SMARCC1: variants seen among roughly 807,000 people sequenced by gnomAD.
The protein encoded by SMARCC1 is SWI/SNF complex subunit SMARCC1.
A neutral mutation model predicts 147.4 loss-of-function variants in SMARCC1; 43 were observed. The ratio of observed to expected loss-of-function variants is 0.29; its 90% CI spans 0.23 to 0.38. The LOEUF (loss-of-function observed/expected upper bound fraction) is 0.38. Ranked by LOEUF, SMARCC1 falls within the 10% of genes least tolerant of loss-of-function variation. The probability of loss-of-function intolerance (pLI) is 1.00; values close to 1 mark genes in which losing one functional copy is unlikely to be tolerated. For missense variants in SMARCC1, 1,119 were observed against 1,381.1 expected, an observed-to-expected ratio of 0.81 and a Z score of 3.01; for synonymous variants, 495 against 484.4, an observed-to-expected ratio of 1.02 and a Z score of -0.29.
chr3:47,737,015 A>G lies in SMARCC1; in HGVS notation c.484-889T>C, dbSNP rs936725165. Among the ~76,000 whole-genome samples, 10 of 152,234 alleles carry G rather than the reference A, an allele frequency of 6.6e-5. No homozygotes were observed. In the East Asian group the frequency reaches 1.7e-3, roughly 26 times the overall value. On this transcript the variant is annotated intron_variant, in intron 4 of 27. Coordinates refer to ENST00000254480, the MANE Select transcript of SMARCC1 (RefSeq NM_003074.4). The stretch of plus-strand genomic sequence containing the variant: ...TAATACATTTAGAGAAATAATATGT[A>G]TATTTATGGTACAACCATGGAACAA...
chr3:47,726,080 A>AAAAAAAAAAAAAAAAC, intron 6 of SMARCC1, among the ~76,000 whole-genome samples: 1 of 149,668 alleles, frequency 6.7e-6, no homozygotes, highest in South Asian at 2.1e-4. Context: ...AAAAAAAAAA[A>AAAAAAAAAAAAAAAAC]AGGTGAATTT....
At chr3:47,623,633 T>C (rs2032766920) in intron 24 of SMARCC1, among the ~76,000 whole-genome samples, 1 of 152,172 alleles carries the variant, frequency 6.6e-6, no homozygotes, top group South Asian at 2.1e-4. Flanking sequence ...AAATAAATAT[T>C]ATGTAATTTA....
At chr3:47,699,665 T>C (rs1203913385) in intron 11 of SMARCC1, among the ~76,000 whole-genome samples, 2 of 152,184 alleles carry the variant, frequency 1.3e-5, no homozygotes, top group African/African-American at 4.8e-5. Context: ...TGTATATATC[T>C]ATGTATATAC....
chr3:47,634,499 G>A (rs1285683310), intron 24 of SMARCC1, among the ~76,000 whole-genome samples: 1 of 152,196 alleles, frequency 6.6e-6, no homozygotes, highest in Non-Finnish European at 1.5e-5. Flanking sequence ...CAATGTTCTA[G>A]TAATCACTGT....
chr3:47,775,545 G>C (rs1337014681), intron 1 of SMARCC1, among the ~76,000 whole-genome samples: 1 of 150,362 alleles, frequency 6.7e-6, no homozygotes, highest in Non-Finnish European at 1.5e-5. Flanking sequence ...AGGCCGAGGC[G>C]GGCGAATCAC....
intron 22 of SMARCC1, among the ~76,000 whole-genome samples, chr3:47,637,420 A>T (rs1412918151): frequency 1.3e-5 from 2 of 152,128 alleles, no homozygotes; most frequent in Non-Finnish European, 2.9e-5. Flanking sequence ...TAGGAACACA[A>T]AGGCCCAGAG....
Position 47,680,511 on chromosome 3 carries a change from G to T in SMARCC1, c.1386-3C>A. ...CACGCCGTTCAATCACATGAATACT[G>T]AAAAGAAGAAGAAAAAAAGATTTAG... On this transcript the variant is annotated splice_polypyrimidine_tract_variant and splice_region_variant and intron_variant, in intron 14 of 27. Coordinates refer to ENST00000254480, the MANE Select transcript of SMARCC1 (RefSeq NM_003074.4). The T allele has an allele frequency of 8.2e-7, 1 of 1,216,628 alleles. No homozygotes were observed. The highest frequency in any genetic ancestry group is 1.2e-6 in the Non-Finnish European group (1 of 860,046). The allele number at this position is 1,216,628 out of a possible 1,614,324, so 75.4% of individuals were successfully genotyped here. A position where few individuals can be genotyped will look rare whatever the true frequency, so the allele number is the denominator to read the frequency against.
rs1553682250 is a variant in SMARCC1 at position 47,673,405 on chromosome 3, G to GGGC, written c.1839+2069_1839+2070insGCC. 2.3e-5 allele frequency among the ~76,000 whole-genome samples: 3 copies of GGGC among 128,250 alleles called. 1 individual carries two copies. The highest frequency in any genetic ancestry group is 5.2e-5 in the Non-Finnish European group (3 of 57,800). The allele number at this position is 128,250 out of a possible 152,430, so 84.1% of individuals were successfully genotyped here. A position where few individuals can be genotyped will look rare whatever the true frequency, so the allele number is the denominator to read the frequency against. ...TGTCTCAAAAAAAAAAGGGTGGGGG[G>GGGC]GGGGCAGGCCAGTGGCTCAGGCCTG... On this transcript the variant is annotated intron_variant, in intron 18 of 27. Coordinates refer to ENST00000254480, the MANE Select transcript of SMARCC1 (RefSeq NM_003074.4).
chr3:47,757,699 G>T (rs1477890839), intron 2 of SMARCC1, among the ~76,000 whole-genome samples: 1 of 150,918 alleles, frequency 6.6e-6, no homozygotes, highest in Non-Finnish European at 1.5e-5. Context: ...GAGGAAAACG[G>T]CATGAAACAG....
At position 47,671,173 on chromosome 3, in the gene SMARCC1, C is replaced by CAAAAAAAAAA. The variant is rs775759680; in HGVS notation, c.1840-466_1840-457dup. Among the ~76,000 whole-genome samples the CAAAAAAAAAA allele has an allele frequency of 1.8e-3, 53 of 29,232 alleles. 5 individuals are homozygous for CAAAAAAAAAA. Among genetic ancestry groups the CAAAAAAAAAA allele is most frequent in the African/African-American group, 3.0e-3 (18 of 6,088 alleles). The allele number at this position is 29,232 out of a possible 152,430, so 19.2% of individuals were successfully genotyped here. On this transcript the variant is annotated intron_variant, in intron 18 of 27. Transcript: ENST00000254480. ...CCTGGGCAACAGAGCGAGACTATCT[C>CAAAAAAAAAA]AAAAAAAAAAAAAAAAAAAAAAAAA...
chr3:47,736,589 TG>T (rs2034446907), intron 4 of SMARCC1, among the ~76,000 whole-genome samples: 1 of 151,858 alleles, frequency 6.6e-6, no homozygotes, highest in Admixed American at 6.6e-5. Flanking sequence ...GGCAGGAGAA[TG>T]GCGTGAACCC....
chr3:47,625,350 C>T (rs373891039), intron 24 of SMARCC1, among the ~76,000 whole-genome samples: 1 of 151,910 alleles, frequency 6.6e-6, no homozygotes, highest in Non-Finnish European at 1.5e-5. Context: ...AAAAGAAAGA[C>T]CAGCCTCCCA....
chr3:47,588,664 C>T (rs1010403028), intron 27 of SMARCC1, among the ~76,000 whole-genome samples: 4 of 151,850 alleles, frequency 2.6e-5, no homozygotes, highest in Non-Finnish European at 2.9e-5. Flanking sequence ...AAAAAATAAG[C>T]TCCTTCCTGG....
At chr3:47,602,737 C>T (rs1306427959) in intron 26 of SMARCC1, among the ~76,000 whole-genome samples, 3 of 152,240 alleles carry the variant, frequency 2.0e-5, no homozygotes, top group Non-Finnish European at 4.4e-5. Context: ...ATATTTAAAT[C>T]AAACATGTTC....
Position 47,662,316 on chromosome 3 carries a change from GT to G in SMARCC1, c.2158+17del. 6.2e-7 allele frequency: 1 copy of G among 1,610,340 alleles called. No individual in the cohort carries two copies. Among genetic ancestry groups the G allele is most frequent in the Admixed American group, 1.7e-5 (1 of 59,614 alleles). On this transcript the variant is annotated intron_variant, in intron 20 of 27. Coordinates refer to ENST00000254480, the MANE Select transcript of SMARCC1 (RefSeq NM_003074.4). ...ACTGAGTTTTTCTGTTGAGGAGATG[GT>G]TTAGGGAAGTCCATACCCAAAGCCG...
chr3:47,722,479 TAG>T (rs1466241408), intron 6 of SMARCC1, among the ~76,000 whole-genome samples: 1 of 151,926 alleles, frequency 6.6e-6, no homozygotes, highest in Non-Finnish European at 1.5e-5. Context: ...GTATTTTTAG[TAG>T]AGACGGGGTT....
intron 4 of SMARCC1, among the ~76,000 whole-genome samples, chr3:47,737,822 A>ATTT (rs71070219): frequency 7.5e-6 from 1 of 133,612 alleles, no homozygotes; most frequent in African/African-American, 2.7e-5. Flanking sequence ...CGTGCGGCTA[A>ATTT]TTTTTTTTTT....
chr3:47,695,893 G>A (rs77484478), intron 11 of SMARCC1, among the ~76,000 whole-genome samples: 115,461 of 115,632 alleles, frequency 1, 57,645 homozygotes, highest in Non-Finnish European at 1. Context: ...GTGAAACCCC[G>A]TCTCTACTAA....
intron 9 of SMARCC1, among the ~76,000 whole-genome samples, chr3:47,709,465 C>T (rs2034058181): frequency 6.6e-6 from 1 of 151,836 alleles, no homozygotes; most frequent in Admixed American, 6.6e-5. Flanking sequence ...GCAGTCAGAT[C>T]ACCTGAGGTT....
Sources: gnomAD v4.1 joint callset for allele counts (sites outside exome capture counted in the v4.1 genomes callset) on GRCh38, gnomAD v4.1.1 for gene constraint, MANE v1.5 for transcripts, NCBI Gene and HGNC (gene_info 2026-07-23, HGNC 2026-07-21) for gene names.